Variants in VAPB observed in about 807,000 individuals in gnomAD.
VAPB encodes vesicle-associated membrane protein-associated protein B/C.
A neutral mutation model predicts 25.6 loss-of-function variants in VAPB; 7 were observed. The observed-to-expected ratio is 0.27, with a 90% CI of 0.16 to 0.51. VAPB has a LOEUF of 0.51. Among genes scored for constraint, VAPB ranks in the 20% least tolerant of loss-of-function variants. The pLI is 0.97. For missense variants in VAPB, 266 were observed against 301.3 expected, an observed-to-expected ratio of 0.88 and a Z score of 0.87; for synonymous variants, 112 against 109.2, an observed-to-expected ratio of 1.03 and a Z score of -0.16.
At chr20:58,409,904 TACAC>T (rs34649242) in intron 1 of VAPB, among the ~76,000 whole-genome samples, 14,763 of 148,120 alleles carry the variant, frequency 0.1, 747 homozygotes, top group Non-Finnish European at 0.12. Flanking sequence ...TTTATTCATA[TACAC>T]ACACACACAC....
At chr20:58,390,174 G>C (rs546955504) in intron 1 of VAPB, 1 of 152,150 alleles carries the variant, frequency 6.6e-6, no homozygotes, top group African/African-American at 2.4e-5. Flanking sequence ...ACTTCTGATG[G>C]GATTGGGCCC....
chr20:58,410,064 GT>G (rs755518318), intron 1 of VAPB, among the ~76,000 whole-genome samples: 4 of 151,938 alleles, frequency 2.6e-5, no homozygotes, highest in Non-Finnish European at 5.9e-5. Flanking sequence ...AAAAAATATA[GT>G]TTAGAACAGT....
Position 58,446,595 on chromosome 20 carries a change from G to A in VAPB, c.*2360G>A, listed in dbSNP as rs1308504853. On this transcript the variant is annotated 3_prime_UTR_variant, in exon 6 of 6. Transcript: ENST00000475243. ...CTTTGAAGGTGATTTAGAGTTTTGT[G>A]TACATCTAGGAGAAGGTGTTCAGCT... The A allele has an allele frequency of 2.2e-6, 1 of 453,994 alleles. No individual in the cohort carries two copies. Among genetic ancestry groups the A allele is most frequent in the African/African-American group, 2.0e-5 (1 of 50,002 alleles). The allele number at this position is 453,994 out of a possible 1,614,324, so 28.1% of individuals were successfully genotyped here.
At chr20:58,425,348 G>T (rs1405286884) in intron 2 of VAPB, among the ~76,000 whole-genome samples, 1 of 152,214 alleles carries the variant, frequency 6.6e-6, no homozygotes, top group Non-Finnish European at 1.5e-5. Flanking sequence ...CCAGCTGGTG[G>T]GGGTAAAGAA....
At chr20:58,437,178 C>T (rs1198151190) in intron 3 of VAPB, among the ~76,000 whole-genome samples, 4 of 151,440 alleles carry the variant, frequency 2.6e-5, no homozygotes, top group Non-Finnish European at 5.9e-5. Context: ...GTTGCCCAGG[C>T]TGGTCTTGAA....
At position 58,448,770 on chromosome 20, in the gene VAPB, A is replaced by G. The variant is rs192777134; in HGVS notation, c.*4535A>G. On this transcript the variant is annotated 3_prime_UTR_variant, in exon 6 of 6. Coordinates refer to ENST00000475243, the MANE Select transcript of VAPB (RefSeq NM_004738.5). The stretch of plus-strand genomic sequence containing the variant: ...TCTTTTTCTGTTGGAAACTGAACAC[A>G]CTACAGACAGTGAAAAAAGGTACAT... 1 of 454,120 alleles carries G rather than the reference A, an allele frequency of 2.2e-6. No individual in the cohort carries two copies. Among genetic ancestry groups the G allele is most frequent in the Admixed American group, 2.3e-5 (1 of 42,574 alleles). 28.1% of individuals were successfully genotyped at this position (454,120 alleles called of 1,614,324 possible). A position where few individuals can be genotyped will look rare whatever the true frequency, so the allele number is the denominator to read the frequency against.
intron 1 of VAPB, among the ~76,000 whole-genome samples, chr20:58,396,098 GA>G (rs145965602): frequency 0.037 from 5,572 of 152,244 alleles, 326 homozygotes; most frequent in African/African-American, 0.12. Context: ...AGTCCCGTGA[GA>G]AAACCTTGGA....
chr20:58,418,207 A>G lies in VAPB; in HGVS notation c.59-4A>G, dbSNP rs193136039. 708 of 1,614,092 alleles carry G rather than the reference A, an allele frequency of 4.4e-4. No homozygotes were observed. Among genetic ancestry groups the G allele is most frequent in the Admixed American group, 1.3e-3 (77 of 60,012 alleles). On this transcript the variant is annotated splice_region_variant and splice_polypyrimidine_tract_variant and intron_variant, in intron 1 of 5. Coordinates refer to ENST00000475243, the MANE Select transcript of VAPB (RefSeq NM_004738.5). ...CCCCAATCAGTCTCTGTCTCATTCT[A>G]CAGGTCCCTTCACCGATGTTGTCAC...
chr20:58,402,230 A>G (rs114719126), intron 1 of VAPB, among the ~76,000 whole-genome samples: 49 of 152,144 alleles, frequency 3.2e-4, no homozygotes, highest in African/African-American at 1.0e-3. Context: ...GTCTTTCCTC[A>G]TGCTTGTGTT....
intron 2 of VAPB, among the ~76,000 whole-genome samples, chr20:58,434,401 A>G (rs889391175): frequency 6.6e-6 from 1 of 152,150 alleles, no homozygotes; most frequent in Admixed American, 6.5e-5. Flanking sequence ...CAGCTCTGTC[A>G]TGCGTGATTT....
At chr20:58,419,368 C>T (rs971003101) in intron 2 of VAPB, among the ~76,000 whole-genome samples, 3 of 152,186 alleles carry the variant, frequency 2.0e-5, no homozygotes, top group African/African-American at 7.2e-5. Context: ...ATGGTGCACC[C>T]ATGCCAGCTC....
chr20:58,428,994 C>G (rs531002999), intron 2 of VAPB, among the ~76,000 whole-genome samples: 1 of 152,180 alleles, frequency 6.6e-6, no homozygotes, highest in Non-Finnish European at 1.5e-5. Context: ...TGAAAAACAC[C>G]CCCATTTGCT....
intron 1 of VAPB, among the ~76,000 whole-genome samples, chr20:58,414,800 G>A (rs937336736): frequency 1.3e-5 from 2 of 152,294 alleles, no homozygotes; most frequent in African/African-American, 2.4e-5. Flanking sequence ...AGGCAGAGAC[G>A]CTCCCCACTT....
intron 2 of VAPB, among the ~76,000 whole-genome samples, chr20:58,419,772 C>A (rs943218986): frequency 6.6e-6 from 1 of 152,064 alleles, no homozygotes; most frequent in Non-Finnish European, 1.5e-5. Context: ...TCTTTTGTTC[C>A]CCTCTTCTAT....
At chr20:58,430,640 G>T (rs1379624085) in intron 2 of VAPB, among the ~76,000 whole-genome samples, 1 of 151,150 alleles carries the variant, frequency 6.6e-6, no homozygotes, top group Non-Finnish European at 1.5e-5. Flanking sequence ...CAGTGGCGCC[G>T]TCTTGGCTCA....
At chr20:58,402,336 T>C (rs1222610518) in intron 1 of VAPB, among the ~76,000 whole-genome samples, 1 of 152,160 alleles carries the variant, frequency 6.6e-6, no homozygotes, top group Non-Finnish European at 1.5e-5. Flanking sequence ...TTTAGCTGTT[T>C]CCACCACTAA....
chr20:58,423,798 G>GT (rs1988726679), intron 2 of VAPB, among the ~76,000 whole-genome samples: 1 of 152,158 alleles, frequency 6.6e-6, no homozygotes, highest in Non-Finnish European at 1.5e-5. Flanking sequence ...TTTATAAGTG[G>GT]TTTCCATGAA....
intron 1 of VAPB, among the ~76,000 whole-genome samples, chr20:58,403,229 A>T (rs1309065778): frequency 6.6e-6 from 1 of 152,184 alleles, no homozygotes; most frequent in Admixed American, 6.5e-5. Flanking sequence ...TATTTCAGAG[A>T]GTCAGGACTA....
At chr20:58,393,934 G>T (rs983679663) in intron 1 of VAPB, among the ~76,000 whole-genome samples, 4 of 152,188 alleles carry the variant, frequency 2.6e-5, no homozygotes, top group African/African-American at 9.7e-5. Context: ...GTTTCTCCCT[G>T]TTGGTCAGGC....
Sources: allele counts gnomAD v4.1 joint callset (sites outside exome capture counted in the v4.1 genomes callset), GRCh38; gene constraint gnomAD v4.1.1; transcripts MANE v1.5; gene names NCBI Gene and HGNC (gene_info 2026-07-23, HGNC 2026-07-21).